Variants in FRMD8 observed in about 807,000 individuals in gnomAD.
FRMD8 encodes FERM domain containing 8.
Under a neutral mutation model 54.2 loss-of-function variants are expected in FRMD8, and 37 were observed. The observed-to-expected ratio is 0.68, with a 90% CI of 0.53 to 0.90. The LOEUF is 0.90. Ranked by LOEUF, FRMD8 falls within the 40% of genes least tolerant of loss-of-function variation. The pLI is 0.00. For missense variants in FRMD8, 585 were observed against 653.7 expected, an observed-to-expected ratio of 0.89 and a Z score of 1.15; for synonymous variants, 246 against 286.9, an observed-to-expected ratio of 0.86 and a Z score of 1.44.
upstream of FRMD8, among the ~76,000 whole-genome samples, chr11:65,386,038 C>G (rs990422729): frequency 6.6e-6 from 1 of 151,890 alleles, no homozygotes; most frequent in Non-Finnish European, 1.5e-5. Context: ...CCTCGTGATC[C>G]GCCCGCCTCG....
chr11:65,400,814 G>C lies in FRMD8; in HGVS notation c.1018G>C (p.Gly340Arg). 1.9e-6 allele frequency: 3 copies of C among 1,612,902 alleles called. No individual in the cohort carries two copies. Among genetic ancestry groups the C allele is most frequent in the Non-Finnish European group, 2.5e-6 (3 of 1,179,656 alleles). The change falls in exon 9 of 11, where the codon GGG becomes CGG. Residue 340 changes from glycine (G) to arginine (R), a missense_variant. Gly to Arg is a moderately radical substitution (Grantham distance 125). Transcript: ENST00000317568. This position sits in a 1 kb window ranked among gnomAD's most constrained non-coding sequence, Gnocchi z 4.3. ...EEPILWLEFDGDSEGTPVNKL... is the reference protein window; with the variant it reads ...EEPILWLEFDRDSEGTPVNKL... ...GCCCATCTTGTGGCTGGAGTTCGACGGGGACAGCGAGGGCACACCTGTCAA... is the reference window on the plus strand; with the variant it reads ...GCCCATCTTGTGGCTGGAGTTCGACCGGGACAGCGAGGGCACACCTGTCAA...
chr11:65,372,655 G>A, the FRMD8 span, among the ~76,000 whole-genome samples: 31 of 152,178 alleles, frequency 2.0e-4, no homozygotes, highest in Non-Finnish European at 3.7e-4. Flanking sequence ...AATAGGCAAA[G>A]GGAAAAGGAG....
At chr11:65,380,081 A>C in the FRMD8 span, 1 of 1,588,718 alleles carries the variant, frequency 6.3e-7, no homozygotes, top group South Asian at 1.1e-5. Context: ...GCACCCTGAC[A>C]TTTGGGTCAG....
Position 65,394,262 on chromosome 11 carries a change from C to A in FRMD8, c.418C>A (p.His140Asn). 2 of 1,600,604 alleles carry A rather than the reference C, an allele frequency of 1.2e-6. No homozygotes were observed. The highest frequency in any genetic ancestry group is 2.3e-5 in the East Asian group (1 of 43,772). The change falls in exon 6 of 11, where the codon CAT (histidine) becomes AAT (asparagine). Residue 140 changes from histidine (H) to asparagine (N), a missense_variant. By Grantham distance (68) the His-to-Asn change is moderately conservative. Transcript: ENST00000317568. ...TCCCTGCCACACCCCCCTGCAGATC[C>A]ATGACGAGGAGGTCCTGCGGCTGCT... is the stretch of plus-strand genomic sequence containing the variant. ...FFPKRRELQI[H>N]DEEVLRLLYE... is the part of the protein sequence containing the mutation.
At chr11:65,405,571 C>T (rs553832510) in intron 10 of FRMD8, among the ~76,000 whole-genome samples, 72 of 152,178 alleles carry the variant, frequency 4.7e-4, no homozygotes, top group African/African-American at 1.6e-3. Flanking sequence ...TGCAGTGAGC[C>T]GAGATTGCAT....
At chr11:65,376,634 C>A in the FRMD8 span, 1 of 1,613,940 alleles carries the variant, frequency 6.2e-7, no homozygotes, top group Non-Finnish European at 8.5e-7. Context: ...ACCCAGGAAG[C>A]AATGCCTGCA....
Position 65,411,527 on chromosome 11 carries a change from C to G in FRMD8, c.*167C>G, listed in dbSNP as rs1029793371. 1 of 517,872 alleles carries G rather than the reference C, an allele frequency of 1.9e-6. No individual in the cohort carries two copies. Among genetic ancestry groups the G allele is most frequent in the African/African-American group, 2.0e-5 (1 of 51,080 alleles). 32.1% of individuals were successfully genotyped at this position (517,872 alleles called of 1,614,324 possible). ...AGTGACTTTTGGGCCCGGGGCCATGCCCGGGCTGTGCAAAGCTGGCCAGGG... is the reference window on the plus strand; with the variant it reads ...AGTGACTTTTGGGCCCGGGGCCATGGCCGGGCTGTGCAAAGCTGGCCAGGG... On this transcript the variant is annotated 3_prime_UTR_variant, in exon 11 of 11. Transcript: ENST00000317568.
chr11:65,380,074 C>T, the FRMD8 span: 31 of 1,585,716 alleles, frequency 2.0e-5, no homozygotes, highest in Non-Finnish European at 2.4e-5. Flanking sequence ...TCTCAGGGCA[C>T]CCTGACATTT....
At chr11:65,390,341 G>A (rs1855818810) in intron 3 of FRMD8, among the ~76,000 whole-genome samples, 1 of 152,090 alleles carries the variant, frequency 6.6e-6, no homozygotes. Flanking sequence ...TTAGTAAATC[G>A]GTGCCATAGG....
In FRMD8 at chr11:65,393,665, G is replaced by A. The variant is rs1165464969; in HGVS notation, c.346G>A (p.Val116Met). ...LRFTSAPDDDVAMDEPFLQFR... is the reference protein window; with the variant it reads ...LRFTSAPDDDMAMDEPFLQFR... Reference sequence around the variant, plus strand: ...CTTCACCAGTGCCCCAGACGATGACGTGGCCATGGGTCAGTGCTGCTGCCT... The same window carrying A: ...CTTCACCAGTGCCCCAGACGATGACATGGCCATGGGTCAGTGCTGCTGCCT... The change falls in exon 4 of 11, where the codon GTG (valine) becomes ATG (methionine). Residue 116 changes from valine to methionine, a missense_variant. Transcript: ENST00000317568. The A allele has an allele frequency of 1.2e-5, 20 of 1,604,176 alleles. No homozygotes were observed. The highest frequency in any genetic ancestry group is 1.6e-5 in the Non-Finnish European group (19 of 1,178,932).
the FRMD8 span, among the ~76,000 whole-genome samples, chr11:65,368,826 G>A: frequency 6.6e-6 from 1 of 152,284 alleles, no homozygotes; most frequent in African/African-American, 2.4e-5. Context: ...GCCTCCCAAA[G>A]TGCTGGGATT....
At chr11:65,382,548 AAC>A (rs1855631453), upstream of FRMD8, 2 of 155,158 alleles carry the variant, frequency 1.3e-5, no homozygotes, top group South Asian at 1.9e-4. The surrounding 1 kb of genome is among the most constrained non-coding windows in gnomAD (Gnocchi z 4.4). Flanking sequence ...GTGAGTCAGA[AAC>A]ACAGCCTTCC....
chr11:65,396,961 C>A lies in FRMD8; in HGVS notation c.744C>A (p.Ala248=). ...QEVSSDGGCE[A]ALGTHYRAYL... ...TCAGCAGCGACGGCGGGTGCGAGGC[C>A]GCCCTGGGCACCCACTACCGCGCCT... The change falls in exon 7 of 11, where the codon GCC becomes GCA. Residue 248 remains alanine (A), a synonymous_variant. Coordinates refer to ENST00000317568, the MANE Select transcript of FRMD8 (RefSeq NM_031904.5). 4.0e-6 allele frequency: 6 copies of A among 1,511,862 alleles called. No individual in the cohort carries two copies. The highest frequency in any genetic ancestry group is 5.3e-6 in the Non-Finnish European group (6 of 1,127,074). The allele number at this position is 1,511,862 out of a possible 1,614,324, so 93.7% of individuals were successfully genotyped here.
chr11:65,380,641 G>A, the FRMD8 span: 5 of 1,286,628 alleles, frequency 3.9e-6, no homozygotes, highest in South Asian at 1.2e-5. Context: ...CCCTGATGGG[G>A]GTCATGCCTG....
chr11:65,401,457 A>AGG (rs1856079601), intron 9 of FRMD8, among the ~76,000 whole-genome samples: 1 of 134,312 alleles, frequency 7.4e-6, no homozygotes. Context: ...GGGCCCTTTC[A>AGG]GGACTGTTCC....
At chr11:65,401,745 C>G (rs80328419) in intron 9 of FRMD8, among the ~76,000 whole-genome samples, 6,376 of 151,058 alleles carry the variant, frequency 0.042, 208 homozygotes, top group Non-Finnish European at 0.068. Flanking sequence ...CCTGGCCCCC[C>G]TCGAGGGCAC....
At chr11:65,399,038 C>T (rs1402000205) in intron 7 of FRMD8, among the ~76,000 whole-genome samples, 6 of 146,898 alleles carry the variant, frequency 4.1e-5, no homozygotes, top group African/African-American at 1.3e-4. Context: ...CGCTCTGTTG[C>T]CCAGGCTGGA....
At position 65,400,022 on chromosome 11, in the gene FRMD8, C is replaced by A; in HGVS notation, c.927+163C>A. 1 of 807,746 alleles carries A rather than the reference C, an allele frequency of 1.2e-6. No individual in the cohort carries two copies. The highest frequency in any genetic ancestry group is 2.9e-5 in the East Asian group (1 of 33,992). The allele number at this position is 807,746 out of a possible 1,614,324, so 50.0% of individuals were successfully genotyped here. On this transcript the variant is annotated intron_variant, in intron 8 of 10. Coordinates refer to ENST00000317568, the MANE Select transcript of FRMD8 (RefSeq NM_031904.5). The surrounding 1 kb of genome is among the most constrained non-coding windows in gnomAD (Gnocchi z 4.3). ...GTCCTCGTAGCCCCTGAGGGTGATC[C>A]TGGGTCCTCTTGCCCAACATGCTAG...
chr11:65,376,229 CCT>C, the FRMD8 span: 1 of 710,866 alleles, frequency 1.4e-6, no homozygotes, highest in Non-Finnish European at 2.3e-6. Flanking sequence ...GCACAGGCCC[CCT>C]GGCTTCCGGC....
Sources: allele counts gnomAD v4.1 joint callset (sites outside exome capture counted in the v4.1 genomes callset), GRCh38; gene constraint gnomAD v4.1.1; non-coding constraint Gnocchi (gnomAD v3.1); transcripts MANE v1.5; gene names NCBI Gene and HGNC (gene_info 2026-07-23, HGNC 2026-07-21).